CHD6: variants seen among roughly 807,000 people sequenced by gnomAD.
CHD6 encodes the protein ATP-dependent chromatin remodeler CHD6.
CHD6 carries 50 observed loss-of-function variants against 276.9 expected under a neutral mutation model. That is an observed-to-expected ratio of 0.18 (90% CI 0.14 to 0.23). The LOEUF is 0.23. CHD6 is among the 10% of genes least tolerant of loss of function. The pLI, the probability that CHD6 is intolerant of heterozygous loss-of-function variation, is 1.00. For synonymous variants in CHD6, 1,173 were observed against 1,229.3 expected (o/e 0.95, Z 0.96); for missense variants, 2,564 against 3,365.8 (o/e 0.76, Z 5.89).
Position 41,497,200 on chromosome 20 carries a change from C to T in CHD6, c.1092+184G>A, listed in dbSNP as rs542530765. The T allele has an allele frequency of 2.2e-3, 1,260 of 573,126 alleles. 14 individuals are homozygous for T. The highest frequency in any genetic ancestry group is 0.01 in the Middle Eastern group (24 of 2,350). The allele number at this position is 573,126 out of a possible 1,614,324, so 35.5% of individuals were successfully genotyped here. On this transcript the variant is annotated intron_variant, in intron 8 of 36. Transcript: ENST00000373233. ...TCAGTTTATAAGGTTTGATCCTTAA[C>T]TTTGGTGGATAGTTTTCTTTGACTT...
At chr20:41,449,238 A>G (rs1298001243) in intron 23 of CHD6, among the ~76,000 whole-genome samples, 2 of 152,162 alleles carry the variant, frequency 1.3e-5, no homozygotes, top group Non-Finnish European at 2.9e-5. Flanking sequence ...AGCCCAGAGA[A>G]TAAGAACTCT....
chr20:41,408,494 C>T (rs2046746837), intron 36 of CHD6, among the ~76,000 whole-genome samples: 1 of 152,192 alleles, frequency 6.6e-6, no homozygotes, highest in Non-Finnish European at 1.5e-5. Context: ...AATTTCTCAC[C>T]AGTCTGTCTT....
chr20:41,423,465 C>T, intron 30 of CHD6, 27 bp downstream of exon 30: 1 of 1,596,144 alleles, frequency 6.3e-7, no homozygotes, highest in Non-Finnish European at 8.6e-7. Context: ...CTTGTATCAT[C>T]TGACAATATA....
intron 1 of CHD6, among the ~76,000 whole-genome samples, chr20:41,593,731 T>C (rs1467745101): frequency 6.6e-6 from 1 of 152,152 alleles, no homozygotes; most frequent in Non-Finnish European, 1.5e-5. Flanking sequence ...TACTGTGACT[T>C]CTAATCCAAT....
chr20:41,502,460 T>C (rs1485508447), intron 5 of CHD6, among the ~76,000 whole-genome samples: 1 of 152,230 alleles, frequency 6.6e-6, no homozygotes, highest in Non-Finnish European at 1.5e-5. Context: ...ATAGGGTCCA[T>C]ACTGGACAAG....
chr20:41,546,352 C>T (rs1338904062), intron 2 of CHD6, among the ~76,000 whole-genome samples: 3 of 152,028 alleles, frequency 2.0e-5, no homozygotes, highest in Non-Finnish European at 2.9e-5. Context: ...AAGATTCTCC[C>T]GTAGTTACTC....
At chr20:41,423,122 G>A (rs1459308564) in intron 30 of CHD6, among the ~76,000 whole-genome samples, 3 of 152,158 alleles carry the variant, frequency 2.0e-5, no homozygotes, top group African/African-American at 7.2e-5. Context: ...AATACTTAAA[G>A]TTATTAAGAC....
chr20:41,550,453 A>T (rs1353661430), intron 2 of CHD6, among the ~76,000 whole-genome samples: 3 of 152,172 alleles, frequency 2.0e-5, no homozygotes, highest in Non-Finnish European at 4.4e-5. Context: ...TTGAGGACAG[A>T]CCAGGGGGTA....
Position 41,452,961 on chromosome 20 carries a change from A to G in CHD6, c.3121-19T>C, listed in dbSNP as rs747581145. ...AGCTTTCCTAGAAATGGAGAGGACT[A>G]CTGGGAAGAAAGTCCTCTTTTCTCT... is the stretch of plus-strand genomic sequence containing the variant. On this transcript the variant is annotated intron_variant, in intron 20 of 36. Transcript: ENST00000373233. The surrounding 1 kb of genome is among the most constrained non-coding windows in gnomAD (Gnocchi z 4.2). The G allele has an allele frequency of 6.3e-7, 1 of 1,593,250 alleles. No individual in the cohort carries two copies. Among genetic ancestry groups the G allele is most frequent in the Non-Finnish European group, 8.6e-7 (1 of 1,161,240 alleles).
At position 41,515,602 on chromosome 20, in the gene CHD6, T is replaced by A. The variant is rs557946699; in HGVS notation, c.555-650A>T. On this transcript the variant is annotated intron_variant, in intron 3 of 36. Transcript: ENST00000373233. ...TTCCTAGCTGGTAAAATCTCTTTCC[T>A]ACACTCCCAAAGCACTTCCAACTAT... Among the ~76,000 whole-genome samples the A allele has an allele frequency of 4.6e-5, 7 of 152,340 alleles. No individual in the cohort carries two copies. In the East Asian group the frequency reaches 1.3e-3, roughly 29 times the overall value.
chr20:41,552,501 CTG>C (rs2045161306), intron 1 of CHD6, among the ~76,000 whole-genome samples: 1 of 152,178 alleles, frequency 6.6e-6, no homozygotes, highest in Non-Finnish European at 1.5e-5. Flanking sequence ...GATGACATCA[CTG>C]TGTACCCCAT....
intron 17 of CHD6, among the ~76,000 whole-genome samples, chr20:41,462,696 A>G (rs897175597): frequency 6.6e-6 from 1 of 152,250 alleles, no homozygotes; most frequent in Non-Finnish European, 1.5e-5. Context: ...ATATACACAC[A>G]TACATATACA....
intron 1 of CHD6, among the ~76,000 whole-genome samples, chr20:41,582,356 A>C (rs1193315058): frequency 1.3e-5 from 2 of 152,202 alleles, no homozygotes; most frequent in African/African-American, 4.8e-5. Flanking sequence ...TTGATAACAT[A>C]AATCTTTAGG....
intron 3 of CHD6, among the ~76,000 whole-genome samples, chr20:41,528,751 AG>A (rs2044607250): frequency 6.6e-6 from 1 of 152,240 alleles, no homozygotes; most frequent in Non-Finnish European, 1.5e-5. Context: ...TTATCTCTTA[AG>A]CAATAAATGA....
At chr20:41,413,151 T>C (rs1030229916) in intron 35 of CHD6, among the ~76,000 whole-genome samples, 173 bp downstream of exon 35, 1 of 152,252 alleles carries the variant, frequency 6.6e-6, no homozygotes, top group African/African-American at 2.4e-5. Context: ...CTGAAGAATT[T>C]AATCAAAATT....
rs1351104959 is a variant in CHD6 at position 41,452,124 on chromosome 20, TG to T, written c.3324-100del. 27 of 932,876 alleles carry T rather than the reference TG, an allele frequency of 2.9e-5. No individual in the cohort carries two copies. The highest frequency in any genetic ancestry group is 2.4e-4 in the African/African-American group (15 of 61,334). 57.8% of individuals were successfully genotyped at this position (932,876 alleles called of 1,614,324 possible). On this transcript the variant is annotated intron_variant, in intron 21 of 36. Transcript: ENST00000373233. This position sits in a 1 kb window ranked among gnomAD's most constrained non-coding sequence, Gnocchi z 4.2. ...AGAAACAAGAGCCATACATGCTTTT[TG>T]TTCTCTGTAGGTCTGTTAATCATCC...
intron 1 of CHD6, among the ~76,000 whole-genome samples, chr20:41,564,458 A>G (rs543934852): frequency 2.6e-5 from 4 of 152,340 alleles, no homozygotes; most frequent in South Asian, 2.1e-4. Context: ...CATTTATATG[A>G]CATTCAAGAA....
At chr20:41,449,745 T>C (rs2048179464) in intron 23 of CHD6, among the ~76,000 whole-genome samples, 1 of 152,250 alleles carries the variant, frequency 6.6e-6, no homozygotes, top group Admixed American at 6.5e-5. Flanking sequence ...TGCAAACATG[T>C]ATAGCTTAAT....
chr20:41,455,755 T>C lies in CHD6; in HGVS notation c.3009+45A>G, dbSNP rs768564291. 21 of 1,317,698 alleles carry C rather than the reference T, an allele frequency of 1.6e-5. No individual in the cohort carries two copies. The East Asian group carries it at 5.3e-4, about 33-fold the overall frequency. The allele number at this position is 1,317,698 out of a possible 1,614,324, so 81.6% of individuals were successfully genotyped here. A position where few individuals can be genotyped will look rare whatever the true frequency, so the allele number is the denominator to read the frequency against. On this transcript the variant is annotated intron_variant, in intron 19 of 36. Transcript: ENST00000373233. ...ATGGGTTTCAGAGAATAAACATTTT[T>C]TTTTCTCTCCCACCCCCAACAGCTC... is the stretch of plus-strand genomic sequence containing the variant.
Sources: gnomAD v4.1 joint callset for allele counts (sites outside exome capture counted in the v4.1 genomes callset) on GRCh38, gnomAD v4.1.1 for gene constraint, Gnocchi (gnomAD v3.1) non-coding constraint, MANE v1.5 for transcripts, NCBI Gene and HGNC (gene_info 2026-07-23, HGNC 2026-07-21) for gene names.